The following SHC4 variants were observed in gnomAD, a reference collection of about 807,000 sequenced individuals.
The protein encoded by SHC4 is SHC adaptor protein 4.
In SHC4, 41 loss-of-function variants were observed where a neutral mutation model predicts 69.4. The observed-to-expected ratio is 0.59, with a 90% CI of 0.46 to 0.77. SHC4 has a LOEUF of 0.77. Among genes scored for constraint, SHC4 ranks in the 30% least tolerant of loss-of-function variants. SHC4 has a pLI of 0.00. For missense variants in SHC4, 777 were observed against 783.8 expected (o/e 0.99, Z 0.10); for synonymous variants, 318 against 299.3 (o/e 1.06, Z -0.64).
intron 1 of SHC4, among the ~76,000 whole-genome samples, chr15:48,934,133 G>C (rs921932609): frequency 1.2e-4 from 18 of 151,902 alleles, no homozygotes; most frequent in African/African-American, 3.6e-4. Context: ...ACACTAAGAA[G>C]AAAGTGAAAA....
chr15:48,839,664 C>A lies in SHC4; in HGVS notation c.1483+3745G>T, dbSNP rs530591630. Among the ~76,000 whole-genome samples the A allele has an allele frequency of 3.9e-5, 6 of 152,320 alleles. 1 individual carries two copies. In the South Asian group the frequency reaches 1.2e-3, roughly 32 times the overall value. ...CTTTTGTGAATGTGAGTTTCTACTG[C>A]AATTACCTTATTACTTTTCCCCCGC... On this transcript the variant is annotated intron_variant, in intron 10 of 11. Coordinates refer to ENST00000332408, the MANE Select transcript of SHC4 (RefSeq NM_203349.4).
chr15:48,896,195 TCTTTCTTTCTTC>T (rs1215580779), intron 2 of SHC4, among the ~76,000 whole-genome samples: 3 of 152,030 alleles, frequency 2.0e-5, no homozygotes, highest in Non-Finnish European at 4.4e-5. Context: ...TCTTTTTCTT[TCTTTCTTTCTTC>T]CTTTCTTTCT....
At chr15:48,861,607 T>C (rs1899443565) in intron 6 of SHC4, among the ~76,000 whole-genome samples, 1 of 152,172 alleles carries the variant, frequency 6.6e-6, no homozygotes, top group South Asian at 2.1e-4. Flanking sequence ...AGTAACTATA[T>C]ATAAAAAGAG....
In SHC4 at chr15:48,856,032, A is replaced by T; in HGVS notation, c.1163T>A (p.Val388Asp). 1 of 1,613,954 alleles carries T rather than the reference A, an allele frequency of 6.2e-7. No individual in the cohort carries two copies. The highest frequency in any genetic ancestry group is 8.5e-7 in the Non-Finnish European group (1 of 1,179,872). ...IPGKQPPVGG[V>D]SDMRIKVQAT... ...TTGAACTTTGATCCGCATATCTGAA[A>T]CACCACCTACTGGTGGCTGCTTCCC... The change falls in exon 8 of 12, where the codon GTT becomes GAT. Residue 388 changes from valine (V) to aspartate (D), a missense_variant. Val to Asp is a radical substitution (Grantham distance 152). Transcript: ENST00000332408.
At position 48,963,168 on chromosome 15, in the gene SHC4, G is replaced by C. The variant is rs1010538463; in HGVS notation, c.-153C>G. On this transcript the variant is annotated 5_prime_UTR_variant, in exon 1 of 12. Coordinates refer to ENST00000332408, the MANE Select transcript of SHC4 (RefSeq NM_203349.4). ...CTCGAGCTCGCCCACCTCGGCTCCC[G>C]GCCCCTTAAGGGTGACAGCCCATGG... The C allele has an allele frequency of 2.7e-6, 2 of 746,404 alleles. No individual in the cohort carries two copies. 46.2% of individuals were successfully genotyped at this position (746,404 alleles called of 1,614,324 possible).
intron 10 of SHC4, among the ~76,000 whole-genome samples, chr15:48,840,082 T>C (rs1475383048): frequency 6.6e-6 from 1 of 152,164 alleles, no homozygotes; most frequent in African/African-American, 2.4e-5. Flanking sequence ...ACTAGCTGAA[T>C]GCAAATGTGA....
intron 4 of SHC4, among the ~76,000 whole-genome samples, chr15:48,873,740 C>CAA (rs56275825): frequency 4.4e-5 from 6 of 137,762 alleles, no homozygotes; most frequent in East Asian, 2.1e-4. Context: ...GACTCCGTCT[C>CAA]AAAAAAAAAA....
Position 48,908,558 on chromosome 15 carries a change from G to T in SHC4, c.656+16321C>A, listed in dbSNP as rs922271896. Among the ~76,000 whole-genome samples, 33 of 152,206 alleles carry T rather than the reference G, an allele frequency of 2.2e-4. No individual in the cohort carries two copies. In the South Asian group the frequency reaches 3.1e-3, roughly 14 times the overall value. On this transcript the variant is annotated intron_variant, in intron 2 of 11. Coordinates refer to ENST00000332408, the MANE Select transcript of SHC4 (RefSeq NM_203349.4). ...ATGCGAAAGCTCTTTAGTTTAATTA[G>T]GTCCCAGCTATTTATCTTTGTTTTT... is the stretch of plus-strand genomic sequence containing the variant.
chr15:48,872,786 T>C (rs1296490459), intron 4 of SHC4, among the ~76,000 whole-genome samples: 1 of 152,212 alleles, frequency 6.6e-6, no homozygotes, highest in African/African-American at 2.4e-5. Context: ...AGTAACCACA[T>C]TAATTAGCTA....
chr15:48,831,131 C>T (rs1898791999), intron 11 of SHC4, among the ~76,000 whole-genome samples: 2 of 151,956 alleles, frequency 1.3e-5, no homozygotes, highest in South Asian at 4.1e-4. Context: ...TATTTTTGTA[C>T]AGCTCTATAA....
intron 8 of SHC4, among the ~76,000 whole-genome samples, chr15:48,854,618 C>T (rs1229574406): frequency 2.0e-5 from 3 of 152,102 alleles, no homozygotes; most frequent in Non-Finnish European, 4.4e-5. Context: ...ACATATACAC[C>T]ATGGAATACT....
intron 6 of SHC4, among the ~76,000 whole-genome samples, chr15:48,863,924 A>T (rs1478587109): frequency 1.3e-5 from 2 of 152,112 alleles, no homozygotes; most frequent in Non-Finnish European, 2.9e-5. Flanking sequence ...TCTTCTATTT[A>T]AAAAAAGGAA....
chr15:48,876,644 G>C (rs34224664), intron 4 of SHC4: 2 of 685,202 alleles, frequency 2.9e-6, no homozygotes, highest in Non-Finnish European at 5.3e-6. Context: ...TCCAATGTTC[G>C]AGGGCAGGAA....
chr15:48,937,915 C>G (rs4453417), intron 1 of SHC4, among the ~76,000 whole-genome samples: 125,931 of 152,152 alleles, frequency 0.83, 52,184 homozygotes, highest in East Asian at 0.93. Flanking sequence ...TTCCTTGAGG[C>G]CTTGTATTTT....
intron 2 of SHC4, among the ~76,000 whole-genome samples, chr15:48,904,625 C>A (rs1900374363): frequency 6.6e-6 from 1 of 152,100 alleles, no homozygotes; most frequent in African/African-American, 2.4e-5. Flanking sequence ...CACCTGTAAT[C>A]CCAGCACTTT....
chr15:48,890,805 T>G lies in SHC4; in HGVS notation c.663A>C (p.Ala221=). 1.9e-6 allele frequency: 3 copies of G among 1,614,210 alleles called. No individual in the cohort carries two copies. The highest frequency in any genetic ancestry group is 2.5e-6 in the Non-Finnish European group (3 of 1,180,036). ...FGMRTQVTRE[A]ISRLCEAVPG... ...GGACAGCTTCACACAGGCGACTTAT[T>G]GCTTCCCTAAAGAACAGAAACCATA... Residue 221 remains alanine, a synonymous_variant, in exon 3 of 12, where the codon GCA becomes GCC. Coordinates refer to ENST00000332408, the MANE Select transcript of SHC4 (RefSeq NM_203349.4).
chr15:48,841,627 A>G (rs751587511), intron 10 of SHC4, among the ~76,000 whole-genome samples: 3 of 152,154 alleles, frequency 2.0e-5, no homozygotes, highest in Admixed American at 1.3e-4. Flanking sequence ...GACAGACCAC[A>G]TGGGCTTTTT....
In SHC4 at chr15:48,963,065, T is replaced by C. The variant is rs1243651453; in HGVS notation, c.-50A>G. 6.5e-7 allele frequency: 1 copy of C among 1,539,238 alleles called. No homozygotes were observed. The highest frequency in any genetic ancestry group is 2.3e-5 in the East Asian group (1 of 44,222). On this transcript the variant is annotated 5_prime_UTR_variant, in exon 1 of 12. Coordinates refer to ENST00000332408, the MANE Select transcript of SHC4 (RefSeq NM_203349.4). Reference sequence around the variant, plus strand: ...TACTGTTGCATAAATCGCCTCGTCGTCTGGTAGATAAACGGTGCAGACATC... The same window carrying C: ...TACTGTTGCATAAATCGCCTCGTCGCCTGGTAGATAAACGGTGCAGACATC...
At chr15:48,957,271 C>T (rs994181671) in intron 1 of SHC4, among the ~76,000 whole-genome samples, 5 of 152,108 alleles carry the variant, frequency 3.3e-5, no homozygotes, top group African/African-American at 1.2e-4. Context: ...AGCCACTGTG[C>T]CTGGCTGAAA....
Sources: gnomAD v4.1 joint callset for allele counts (sites outside exome capture counted in the v4.1 genomes callset) on GRCh38, gnomAD v4.1.1 for gene constraint, MANE v1.5 for transcripts, NCBI Gene and HGNC (gene_info 2026-07-23, HGNC 2026-07-21) for gene names.